Variants in HECTD4 observed in about 807,000 individuals in gnomAD.
HECTD4 encodes the protein probable E3 ubiquitin-protein ligase HECTD4.
Under a neutral mutation model 471.5 loss-of-function variants are expected in HECTD4, and 114 were observed. The ratio of observed to expected loss-of-function variants is 0.24; its 90% CI spans 0.21 to 0.28. HECTD4 has a LOEUF of 0.28. Ranked by LOEUF, HECTD4 falls within the 10% of genes least tolerant of loss-of-function variation. HECTD4 has a pLI of 1.00. For missense variants in HECTD4, 3,866 were observed against 5,651.5 expected (o/e 0.68, Z 10.13); for synonymous variants, 2,012 against 2,256.0 (o/e 0.89, Z 3.07).
chr12:112,381,248 C>T lies in HECTD4; in HGVS notation c.177+704G>A, dbSNP rs1279022725. Among the ~76,000 whole-genome samples, 1 of 151,956 alleles carries T rather than the reference C, an allele frequency of 6.6e-6. No homozygotes were observed. Among genetic ancestry groups the T allele is most frequent in the Non-Finnish European group, 1.5e-5 (1 of 68,002 alleles). ...GTTGCACCTGCCACGGCTCTGAACCCGGGATGCTTGGCGACCCCCGGGGCA... is the reference window on the plus strand; with the variant it reads ...GTTGCACCTGCCACGGCTCTGAACCTGGGATGCTTGGCGACCCCCGGGGCA... On this transcript the variant is annotated intron_variant, in intron 1 of 75. Coordinates refer to ENST00000682272, the MANE Select transcript of HECTD4 (RefSeq NM_001388303.1). The surrounding 1 kb of genome is among the most constrained non-coding windows in gnomAD (Gnocchi z 4.1).
rs2032182600 is a variant in HECTD4, at chr12:112,194,769, G to A, written c.8749+116C>T. On this transcript the variant is annotated intron_variant, in intron 56 of 75. Transcript: ENST00000682272. The surrounding 1 kb of genome is among the most constrained non-coding windows in gnomAD (Gnocchi z 4.6). Reference sequence around the variant, plus strand: ...CCAGTTCCTGCGTGCAATTTCTCACGTGAGCCTATGCGCACCATGAGGCAT... The same window carrying A: ...CCAGTTCCTGCGTGCAATTTCTCACATGAGCCTATGCGCACCATGAGGCAT... The A allele has an allele frequency of 5.3e-6, 5 of 942,414 alleles. No individual in the cohort carries two copies. The highest frequency in any genetic ancestry group is 4.7e-6 in the Non-Finnish European group (3 of 634,352). 58.4% of individuals were successfully genotyped at this position (942,414 alleles called of 1,614,324 possible). A position where few individuals can be genotyped will look rare whatever the true frequency, so the allele number is the denominator to read the frequency against.
Position 112,193,337 on chromosome 12 carries a change from A to C in HECTD4, c.8955+132T>G. ...AAGCTACAGATGAGATAAAGCAGAA[A>C]AGCTTCTAGGAAAAGGAAATCGAGA... On this transcript the variant is annotated intron_variant, in intron 57 of 75. Coordinates refer to ENST00000682272, the MANE Select transcript of HECTD4 (RefSeq NM_001388303.1). The surrounding 1 kb of genome is among the most constrained non-coding windows in gnomAD (Gnocchi z 5.2). 1 of 1,350,890 alleles carries C rather than the reference A, an allele frequency of 7.4e-7. No individual in the cohort carries two copies. Among genetic ancestry groups the C allele is most frequent in the Non-Finnish European group, 1.0e-6 (1 of 979,798 alleles). 83.7% of individuals were successfully genotyped at this position (1,350,890 alleles called of 1,614,324 possible). A position where few individuals can be genotyped will look rare whatever the true frequency, so the allele number is the denominator to read the frequency against.
Position 112,235,106 on chromosome 12 carries a change from T to A in HECTD4, c.5886A>T (p.Ser1962=). The change falls in exon 37 of 76, where the codon TCA becomes TCT. Residue 1962 remains serine (S), a synonymous_variant. Coordinates refer to ENST00000682272, the MANE Select transcript of HECTD4 (RefSeq NM_001388303.1). This position sits in a 1 kb window ranked among gnomAD's most constrained non-coding sequence, Gnocchi z 5.0. ...GCAATGGCTGGAGGACTTCATGGGA[T>A]GACTGGTCTTCCCGCTTGTGGATAA... is the stretch of plus-strand genomic sequence containing the variant. ...SIFIHKREDQ[S]SHEVLQPLLS... is the part of the protein sequence containing the mutation. The A allele has an allele frequency of 6.3e-7, 1 of 1,589,992 alleles. No individual in the cohort carries two copies. The highest frequency in any genetic ancestry group is 8.6e-7 in the Non-Finnish European group (1 of 1,167,724).
At chr12:112,308,988 T>A in intron 5 of HECTD4, 97 bp from the exon 6 acceptor site, 1 of 1,267,364 alleles carries the variant, frequency 7.9e-7, no homozygotes, top group Non-Finnish European at 1.1e-6. Flanking sequence ...GACCTAATTT[T>A]AAAAAATGAG....
At chr12:112,366,617 G>A (rs1050259927) in intron 1 of HECTD4, among the ~76,000 whole-genome samples, 2 of 151,392 alleles carry the variant, frequency 1.3e-5, no homozygotes, top group South Asian at 2.1e-4. Flanking sequence ...AAAAAAAAGA[G>A]CGCCTGTAAT....
intron 1 of HECTD4, among the ~76,000 whole-genome samples, chr12:112,320,204 G>A (rs1010578202): frequency 8.6e-5 from 13 of 152,008 alleles, no homozygotes; most frequent in African/African-American, 2.9e-4. Context: ...GCTTGGTGGT[G>A]TGCACCTGTC....
chr12:112,342,624 C>T (rs1047173154), intron 1 of HECTD4, among the ~76,000 whole-genome samples: 39 of 152,164 alleles, frequency 2.6e-4, no homozygotes, highest in African/African-American at 9.4e-4. Flanking sequence ...ATCTGAGTTA[C>T]AGTTTTGCCT....
At chr12:112,324,032 TCCTTCCTTC>T (rs1566112006) in intron 1 of HECTD4, among the ~76,000 whole-genome samples, 1 of 54,034 alleles carries the variant, frequency 1.9e-5, no homozygotes, top group Non-Finnish European at 2.9e-5. Flanking sequence ...CTTCCTTCCT[TCCTTCCTTC>T]CTTCCTTTCT....
At position 112,169,606 on chromosome 12, in the gene HECTD4, C is replaced by T. The variant is rs755548740; in HGVS notation, c.12105G>A (p.Leu4035=). 1.2e-6 allele frequency: 2 copies of T among 1,613,552 alleles called. No homozygotes were observed. The highest frequency in any genetic ancestry group is 1.3e-5 in the African/African-American group (1 of 74,938). Residue 4035 remains leucine (L), a synonymous_variant, in exon 70 of 76, where the codon CTG becomes CTA. Coordinates refer to ENST00000682272, the MANE Select transcript of HECTD4 (RefSeq NM_001388303.1). ...AGAGCTGAGACGACGGCACTGAGGCCAGCTGCCTGGCAGCCTGACAGAAGT... is the reference window on the plus strand; with the variant it reads ...AGAGCTGAGACGACGGCACTGAGGCTAGCTGCCTGGCAGCCTGACAGAAGT... The part of the protein sequence containing the change: ...NSYFCQAARQ[L]ASVPSSQLCV...
intron 1 of HECTD4, among the ~76,000 whole-genome samples, chr12:112,380,306 A>T (rs897716942): frequency 6.6e-6 from 1 of 152,106 alleles, no homozygotes; most frequent in Non-Finnish European, 1.5e-5. Context: ...TTAGCCAGGC[A>T]TGGTGGCGCG....
At chr12:112,242,534 G>A (rs2033663183) in intron 32 of HECTD4, among the ~76,000 whole-genome samples, 1 of 151,214 alleles carries the variant, frequency 6.6e-6, no homozygotes, top group Admixed American at 6.6e-5. Context: ...GATCGCTTGA[G>A]CCTGGGGAGG....
chr12:112,205,685 A>C (rs2032557611), intron 52 of HECTD4, among the ~76,000 whole-genome samples: 1 of 151,350 alleles, frequency 6.6e-6, no homozygotes. Flanking sequence ...TCCATCTCCC[A>C]GCTCAAGTGA....
rs61742611 is a variant in HECTD4, at chr12:112,212,598, C to T, written c.7518G>A (p.Pro2506=). The change falls in exon 49 of 76, where the codon CCG becomes CCA. Residue 2506 remains proline (P), a synonymous_variant. Coordinates refer to ENST00000682272, the MANE Select transcript of HECTD4 (RefSeq NM_001388303.1). The part of the protein sequence containing the change: ...WERTEGTPPP[P]GQPAKGRVYF... ...ACACCCGGCCCTTGGCTGGCTGTCC[C>T]GGAGGAGGTGGAGTCCCCTCAGTTC... 4,003 of 1,613,824 alleles carry T rather than the reference C, an allele frequency of 2.5e-3. 110 individuals are homozygous for T. The African/African-American group carries it at 0.047, about 19-fold the overall frequency.
In HECTD4 at chr12:112,236,926, C is replaced by G; in HGVS notation, c.5444+19G>C. 1 of 1,547,820 alleles carries G rather than the reference C, an allele frequency of 6.5e-7. No homozygotes were observed. The highest frequency in any genetic ancestry group is 8.8e-7 in the Non-Finnish European group (1 of 1,141,896). ...GGAAAGCCAGCTTCTCCCAGAGCTC[C>G]AGGCTGGACCTTGCATACCTTGAGA... is the stretch of plus-strand genomic sequence containing the variant. On this transcript the variant is annotated intron_variant, in intron 35 of 75. Coordinates refer to ENST00000682272, the MANE Select transcript of HECTD4 (RefSeq NM_001388303.1).
At position 112,306,207 on chromosome 12, in the gene HECTD4, T is replaced by C. The variant is rs2035267827; in HGVS notation, c.1192A>G (p.Asn398Asp). ...ATGGTGCTGCCAATGGGGAGGTGATTGGCTGGCATTGGCACCACCTGGCAC... is the reference window on the plus strand; with the variant it reads ...ATGGTGCTGCCAATGGGGAGGTGATCGGCTGGCATTGGCACCACCTGGCAC... ...QVCQVVPMPANHLPIGSTMST... is the reference protein window; with the variant it reads ...QVCQVVPMPADHLPIGSTMST... Residue 398 changes from asparagine to aspartate, a missense_variant, in exon 7 of 76, where the codon AAT (asparagine) becomes GAT (aspartate). Coordinates refer to ENST00000682272, the MANE Select transcript of HECTD4 (RefSeq NM_001388303.1). The C allele has an allele frequency of 6.3e-7, 1 of 1,581,570 alleles. No homozygotes were observed. Among genetic ancestry groups the C allele is most frequent in the Non-Finnish European group, 8.6e-7 (1 of 1,167,600 alleles).
chr12:112,239,987 G>T lies in HECTD4; in HGVS notation c.4999C>A (p.Gln1667Lys). 6.2e-7 allele frequency: 1 copy of T among 1,613,922 alleles called. No homozygotes were observed. Among genetic ancestry groups the T allele is most frequent in the Non-Finnish European group, 8.5e-7 (1 of 1,179,856 alleles). Residue 1667 changes from glutamine (Q) to lysine (K), a missense_variant, in exon 33 of 76, where the codon CAG (glutamine) becomes AAG (lysine). Gln to Lys is a moderately conservative substitution (Grantham distance 53). Around this residue, in one of 16 missense-constraint regions of HECTD4, gnomAD observed 229 missense variants for 386.4 expected, o/e 0.59. Transcript: ENST00000682272. The surrounding 1 kb of genome is among the most constrained non-coding windows in gnomAD (Gnocchi z 4.9). ...LTCGGMVEQV[Q>K]EAFGETMTSV... ...GTCATGGTCTCGCCAAAGGCTTCCT[G>T]GACCTGCTCGACCATCCCACCACAT...
chr12:112,212,436 G>C (rs1028647831), intron 49 of HECTD4, 51 bp downstream of exon 49: 2 of 1,443,658 alleles, frequency 1.4e-6, no homozygotes, highest in African/African-American at 2.8e-5. Flanking sequence ...TGTCTAACAG[G>C]AACAGGTGAT....
intron 41 of HECTD4, 25 bp downstream of exon 41, chr12:112,229,672 GA>G: frequency 6.3e-7 from 1 of 1,593,318 alleles, no homozygotes; most frequent in Admixed American, 1.7e-5. Flanking sequence ...GGGAAGCAAT[GA>G]TTTGGGGAAC....
intron 1 of HECTD4, among the ~76,000 whole-genome samples, chr12:112,353,656 C>A (rs569815081): frequency 6.6e-6 from 1 of 152,032 alleles, no homozygotes; most frequent in South Asian, 2.1e-4. Flanking sequence ...GGTAAAACCC[C>A]ATCTCTACTA....
Sources: allele counts gnomAD v4.1 joint callset (sites outside exome capture counted in the v4.1 genomes callset), GRCh38; gene constraint gnomAD v4.1.1; regional missense constraint gnomAD v4.1.1; non-coding constraint Gnocchi (gnomAD v3.1); transcripts MANE v1.5; gene names NCBI Gene and HGNC (gene_info 2026-07-23, HGNC 2026-07-21).